NRXN1: variants seen among roughly 807,000 people sequenced by gnomAD.
NRXN1 encodes the protein neurexin-1.
Under a neutral mutation model 150.9 loss-of-function variants are expected in NRXN1, and 39 were observed. That is an observed-to-expected ratio of 0.26 (90% confidence interval 0.20 to 0.34). The LOEUF (loss-of-function observed/expected upper bound fraction) is 0.34, where lower values mean the gene tolerates loss of function less well. Among genes scored for constraint, NRXN1 ranks in the 10% least tolerant of loss-of-function variants. The pLI, the probability that NRXN1 is intolerant of heterozygous loss-of-function variation, is 1.00. For missense variants in NRXN1, 1,815 were observed against 1,949.9 expected, an observed-to-expected ratio of 0.93 and a Z score of 1.30; for synonymous variants, 924 against 757.0, an observed-to-expected ratio of 1.22 and a Z score of -3.62.
At chr2:51,014,031 AC>A (rs1288843305) in intron 2 of NRXN1, among the ~76,000 whole-genome samples, 5 of 152,006 alleles carry the variant, frequency 3.3e-5, no homozygotes, top group African/African-American at 1.2e-4. Context: ...GATAACAAAA[AC>A]CTATCAAGAA....
intron 15 of NRXN1, among the ~76,000 whole-genome samples, chr2:50,491,434 T>C (rs1027870222): frequency 1.3e-5 from 2 of 152,098 alleles, no homozygotes; most frequent in Non-Finnish European, 2.9e-5. Flanking sequence ...ATTAGGGACA[T>C]TTAAGTGGCT....
intron 21 of NRXN1, among the ~76,000 whole-genome samples, chr2:50,019,641 C>CAAAAAAAAAA (rs764073226): frequency 9.4e-4 from 24 of 25,550 alleles, no homozygotes; most frequent in East Asian, 2.6e-3. Flanking sequence ...GATTCCGTCT[C>CAAAAAAAAAA]AAAAAAAAAA....
At chr2:50,615,209 C>T (rs181250568) in intron 8 of NRXN1, 6 of 151,866 alleles carry the variant, frequency 4.0e-5, no homozygotes, top group East Asian at 1.9e-4. Context: ...CATTTTTTTT[C>T]TCTCTCTCTA....
chr2:50,247,730 A>G (rs937268032), intron 17 of NRXN1, among the ~76,000 whole-genome samples: 8 of 152,106 alleles, frequency 5.3e-5, no homozygotes, highest in Admixed American at 3.9e-4. Context: ...TGACAACTTG[A>G]TGAAATGCAA....
At position 50,237,661 on chromosome 2, in the gene NRXN1, A is replaced by G. The variant is rs190679433; in HGVS notation, c.3365-691T>C. Among the ~76,000 whole-genome samples, 1,232 of 152,034 alleles carry G rather than the reference A, an allele frequency of 8.1e-3. 16 individuals are homozygous for G. The highest frequency in any genetic ancestry group is 0.023 in the South Asian group (109 of 4,818). On this transcript the variant is annotated intron_variant, in intron 17 of 22. Transcript: ENST00000401669. ...TGAATACAAGCCTTATAGCACTGAG[A>G]ATAATGTCACGGACTCATTCTGTGA... is the stretch of plus-strand genomic sequence containing the variant.
intron 21 of NRXN1, among the ~76,000 whole-genome samples, chr2:50,050,836 C>A (rs1313676061): frequency 1.3e-5 from 2 of 151,942 alleles, no homozygotes; most frequent in African/African-American, 2.4e-5. Flanking sequence ...ATATATATAT[C>A]TCACTACTTA....
At chr2:50,701,238 T>G (rs948071377) in intron 5 of NRXN1, among the ~76,000 whole-genome samples, 1 of 152,172 alleles carries the variant, frequency 6.6e-6, no homozygotes, top group Non-Finnish European at 1.5e-5. Flanking sequence ...TCATCATCTC[T>G]GTCTCTTATC....
chr2:50,953,080 G>C (rs1448247014), intron 2 of NRXN1, among the ~76,000 whole-genome samples: 1 of 152,106 alleles, frequency 6.6e-6, no homozygotes, highest in Non-Finnish European at 1.5e-5. Context: ...AGACTGAATG[G>C]GAGATTTAAG....
chr2:50,253,345 T>C lies in NRXN1; in HGVS notation c.3365-16375A>G, dbSNP rs139355030. ...TGGGGGTTTTCTAAATATAGGATCA[T>C]GTCGTCTGCAAACAGAGACAGTTTA... is the stretch of plus-strand genomic sequence containing the variant. On this transcript the variant is annotated intron_variant, in intron 17 of 22. Transcript: ENST00000401669. Among the ~76,000 whole-genome samples, 8 of 152,312 alleles carry C rather than the reference T, an allele frequency of 5.3e-5. No individual in the cohort carries two copies. In the East Asian group the frequency reaches 1.4e-3, roughly 26 times the overall value.
intron 17 of NRXN1, among the ~76,000 whole-genome samples, chr2:50,357,907 A>G (rs1457577188): frequency 6.6e-6 from 1 of 152,148 alleles, no homozygotes. Context: ...CTGGTTAGAC[A>G]GTGGGTGCAG....
chr2:50,578,302 C>A (rs1671740527), intron 8 of NRXN1, among the ~76,000 whole-genome samples: 1 of 152,066 alleles, frequency 6.6e-6, no homozygotes, highest in Non-Finnish European at 1.5e-5. Flanking sequence ...AGGCTCAGTT[C>A]CAGAAAGTCC....
At position 50,999,200 on chromosome 2, in the gene NRXN1, A is replaced by C. The variant is rs555008540; in HGVS notation, c.772+28302T>G. Among the ~76,000 whole-genome samples the C allele has an allele frequency of 3.3e-5, 5 of 152,202 alleles. No homozygotes were observed. The South Asian group carries it at 1.0e-3, about 32-fold the overall frequency. ...GAAAAGCAGATACCTCTTTAGCTAG[A>C]TAATTCATTAATCCATGTTATTTTA... On this transcript the variant is annotated intron_variant, in intron 2 of 22. Coordinates refer to ENST00000401669, the MANE Select transcript of NRXN1 (RefSeq NM_001330078.2).
chr2:50,763,046 C>T (rs577940193), intron 5 of NRXN1, among the ~76,000 whole-genome samples: 1 of 152,054 alleles, frequency 6.6e-6, no homozygotes, highest in South Asian at 2.1e-4. Flanking sequence ...ATCACCTCCT[C>T]CTCCAGGGCT....
intron 18 of NRXN1, among the ~76,000 whole-genome samples, chr2:50,106,294 C>T (rs1184379698): frequency 6.6e-6 from 1 of 151,886 alleles, no homozygotes; most frequent in African/African-American, 2.4e-5. Context: ...ATCCAAGATG[C>T]TGCCCCAGAA....
chr2:50,870,926 C>G lies in NRXN1; in HGVS notation c.832+50943G>C, dbSNP rs968407731. ...TACTACTCTGCTATAAATAAAATCTCAATATATTTCATTGAATAAGTTAAC... is the reference window on the plus strand; with the variant it reads ...TACTACTCTGCTATAAATAAAATCTGAATATATTTCATTGAATAAGTTAAC... On this transcript the variant is annotated intron_variant, in intron 5 of 22. Transcript: ENST00000401669. 1.3e-4 allele frequency among the ~76,000 whole-genome samples: 19 copies of G among 151,910 alleles called. 1 individual carries two copies. Among genetic ancestry groups the G allele is most frequent in the African/African-American group, 4.1e-4 (17 of 41,392 alleles).
At position 49,927,552 on chromosome 2, in the gene NRXN1, A is replaced by T. The variant is rs527474152; in HGVS notation, c.4217-5301T>A. On this transcript the variant is annotated intron_variant, in intron 22 of 22. Coordinates refer to ENST00000401669, the MANE Select transcript of NRXN1 (RefSeq NM_001330078.2). Reference sequence around the variant, plus strand: ...TAGATACATTTTTGAATGTTAATAAATTTTTCCAAGGAGATTTCCCTTTGC... The same window carrying T: ...TAGATACATTTTTGAATGTTAATAATTTTTTCCAAGGAGATTTCCCTTTGC... Among the ~76,000 whole-genome samples the T allele has an allele frequency of 9.2e-4, 140 of 152,268 alleles. 1 individual carries two copies. The highest frequency in any genetic ancestry group is 3.3e-3 in the African/African-American group (136 of 41,554).
At chr2:50,428,997 G>A (rs559820367) in intron 17 of NRXN1, among the ~76,000 whole-genome samples, 1 of 152,034 alleles carries the variant, frequency 6.6e-6, no homozygotes, top group African/African-American at 2.4e-5. Context: ...ATAAAACCTA[G>A]GTCTACATTC....
At chr2:50,089,932 C>T (rs1699340952) in intron 19 of NRXN1, among the ~76,000 whole-genome samples, 1 of 152,144 alleles carries the variant, frequency 6.6e-6, no homozygotes. Flanking sequence ...TCAAATCTTC[C>T]ATTACTTCAC....
chr2:50,229,284 C>T (rs1013319373), intron 18 of NRXN1, among the ~76,000 whole-genome samples: 55 of 151,598 alleles, frequency 3.6e-4, no homozygotes, highest in African/African-American at 1.2e-3. Context: ...ATTTTGTAAC[C>T]GCTACTGCCA....
Sources: allele counts gnomAD v4.1 joint callset (sites outside exome capture counted in the v4.1 genomes callset), GRCh38; gene constraint gnomAD v4.1.1; transcripts MANE v1.5; gene names NCBI Gene and HGNC (gene_info 2026-07-23, HGNC 2026-07-21).